Variants in ZFHX3 observed in about 807,000 individuals in gnomAD.
ZFHX3 encodes the protein zinc finger homeobox protein 3.
In ZFHX3, 42 loss-of-function variants were observed where a neutral mutation model predicts 279.1. The ratio of observed to expected loss-of-function variants is 0.15; its 90% CI spans 0.12 to 0.19. The LOEUF is 0.19. ZFHX3 is among the 10% of genes least tolerant of loss of function. The pLI, the probability that ZFHX3 is intolerant of heterozygous loss-of-function variation, is 1.00. For missense variants in ZFHX3, 4,981 were observed against 4,754.0 expected (o/e 1.05, Z -1.40); for synonymous variants, 2,293 against 1,957.8 (o/e 1.17, Z -4.52).
intron 5 of ZFHX3, among the ~76,000 whole-genome samples, chr16:73,249,584 C>T (rs2013418458): frequency 6.6e-6 from 1 of 152,154 alleles, no homozygotes; most frequent in South Asian, 2.1e-4. Context: ...TATCTCCCAC[C>T]AGGTCCCTCC....
rs767545284 is a variant in ZFHX3 at position 72,800,180 on chromosome 16, T to C, written c.3865-51A>G. ...AAATGGAGAGGAAAGCGACACAAAA[T>C]AGGAAATGTTTAAAAATTATTTAAT... On this transcript the variant is annotated intron_variant, in intron 7 of 9. Transcript: ENST00000268489. 49 of 1,489,358 alleles carry C rather than the reference T, an allele frequency of 3.3e-5. No homozygotes were observed. The Admixed American group carries it at 6.2e-4, about 19-fold the overall frequency. 92.3% of individuals were successfully genotyped at this position (1,489,358 alleles called of 1,614,324 possible).
At chr16:73,289,373 C>G (rs2014712157) in intron 4 of ZFHX3, among the ~76,000 whole-genome samples, 1 of 152,026 alleles carries the variant, frequency 6.6e-6, no homozygotes, top group African/African-American at 2.4e-5. Context: ...AGCAATTACT[C>G]TACCCTTTTG....
chr16:73,528,876 A>G (rs1323989412), intron 2 of ZFHX3, among the ~76,000 whole-genome samples: 2 of 152,212 alleles, frequency 1.3e-5, no homozygotes, highest in East Asian at 3.9e-4. Flanking sequence ...ATAATGATAC[A>G]TTACAGAACA....
chr16:73,729,265 G>A (rs2053548015), intron 1 of ZFHX3, among the ~76,000 whole-genome samples: 1 of 152,168 alleles, frequency 6.6e-6, no homozygotes, highest in African/African-American at 2.4e-5. Flanking sequence ...GGAGGCTCAC[G>A]CCTGTAATCC....
chr16:72,940,624 G>C (rs1382037681), intron 3 of ZFHX3, among the ~76,000 whole-genome samples: 1 of 152,152 alleles, frequency 6.6e-6, no homozygotes, highest in African/African-American at 2.4e-5. Context: ...ACAGAAGACA[G>C]GAAGAGAGAC....
At chr16:73,680,045 G>C (rs968049) in intron 2 of ZFHX3, 147,755 of 152,270 alleles carry the variant, frequency 0.97, 71,717 homozygotes, top group East Asian at 1. Context: ...ATTTTTATGT[G>C]CTACATTTTC....
Position 72,957,821 on chromosome 16 carries a change from C to CGCA in ZFHX3, c.2324_2325insTGC (p.Ala776dup). On this transcript the variant is annotated inframe_insertion, in exon 2 of 10. Transcript: ENST00000268489. ...CTGCCGCCGCCGCCGCAGCCACCGC[C>CGCA]GCCGCCGCCGCCCCGGCAGTGTGGC... is the stretch of plus-strand genomic sequence containing the variant. The CGCA allele has an allele frequency of 6.3e-7, 1 of 1,599,020 alleles. No homozygotes were observed. The highest frequency in any genetic ancestry group is 1.1e-5 in the South Asian group (1 of 90,058).
intron 1 of ZFHX3, among the ~76,000 whole-genome samples, chr16:73,791,819 A>G (rs1959833500): frequency 6.6e-6 from 1 of 152,238 alleles, no homozygotes; most frequent in African/African-American, 2.4e-5. Flanking sequence ...TCAAATATGT[A>G]TTAATGAAAA....
chr16:73,196,038 G>C (rs1968141280), intron 5 of ZFHX3, among the ~76,000 whole-genome samples: 1 of 152,120 alleles, frequency 6.6e-6, no homozygotes, highest in African/African-American at 2.4e-5. Context: ...CAGAAACAAA[G>C]AGAATGTGTA....
intron 5 of ZFHX3, among the ~76,000 whole-genome samples, chr16:73,236,508 G>A (rs1343619307): frequency 1.3e-5 from 2 of 152,072 alleles, no homozygotes; most frequent in African/African-American, 4.8e-5. Context: ...GGGAATTGCT[G>A]AATTGCTTGA....
At chr16:73,402,582 C>G (rs2017278470) in intron 3 of ZFHX3, 1 of 152,214 alleles carries the variant, frequency 6.6e-6, no homozygotes. Flanking sequence ...ACCTGTGGAC[C>G]CGCTTTGAGT....
chr16:73,419,738 G>A (rs551829922), intron 3 of ZFHX3, among the ~76,000 whole-genome samples: 13 of 151,778 alleles, frequency 8.6e-5, no homozygotes, highest in South Asian at 2.1e-4. Flanking sequence ...GCGCCCCTCC[G>A]TGCCCAGCTT....
chr16:73,397,034 G>T (rs546284651), intron 3 of ZFHX3, among the ~76,000 whole-genome samples: 10 of 152,302 alleles, frequency 6.6e-5, no homozygotes, highest in African/African-American at 2.4e-4. Flanking sequence ...AAACCTAAGC[G>T]GCTCTCTTGT....
intron 1 of ZFHX3, among the ~76,000 whole-genome samples, chr16:73,716,843 C>T (rs960792447): frequency 7.9e-5 from 12 of 152,074 alleles, no homozygotes; most frequent in African/African-American, 2.9e-4. Flanking sequence ...CGTCCCTACT[C>T]AGCCGGCTCG....
At chr16:73,595,983 TTTTA>T (rs1567528718) in intron 2 of ZFHX3, among the ~76,000 whole-genome samples, 4 of 3,246 alleles carry the variant, frequency 1.2e-3, no homozygotes, top group Non-Finnish European at 5.3e-3. Context: ...TACTTTTTTA[TTTTA>T]TTTTATTTTA....
chr16:72,819,547 G>C (rs1470915361), intron 5 of ZFHX3, among the ~76,000 whole-genome samples: 1 of 152,210 alleles, frequency 6.6e-6, no homozygotes, highest in South Asian at 2.1e-4. Context: ...AAGTAATGCT[G>C]ATGGTCCAGG....
chr16:72,800,880 C>G (rs937365370), intron 7 of ZFHX3, among the ~76,000 whole-genome samples: 1 of 152,156 alleles, frequency 6.6e-6, no homozygotes. Flanking sequence ...CCCACCTTGA[C>G]CATGGCCATT....
At chr16:73,872,118 G>A (rs533266094) in intron 1 of ZFHX3, among the ~76,000 whole-genome samples, 1 of 152,106 alleles carries the variant, frequency 6.6e-6, no homozygotes, top group African/African-American at 2.4e-5. Context: ...CAATAATCTC[G>A]AAAGCCAATA....
At chr16:73,450,952 C>A (rs372842694) in intron 3 of ZFHX3, among the ~76,000 whole-genome samples, 8 of 152,258 alleles carry the variant, frequency 5.3e-5, no homozygotes, top group African/African-American at 1.9e-4. Context: ...AATGGCTTAT[C>A]TGAGGGAACA....
Sources: allele counts gnomAD v4.1 joint callset (sites outside exome capture counted in the v4.1 genomes callset), GRCh38; gene constraint gnomAD v4.1.1; transcripts MANE v1.5; gene names NCBI Gene and HGNC (gene_info 2026-07-23, HGNC 2026-07-21).